The following ZNF92 variants were observed in gnomAD, a reference collection of about 807,000 sequenced individuals.
ZNF92 encodes the protein epididymis luminal protein 203.
In ZNF92, 11 loss-of-function variants were observed where a neutral mutation model predicts 12.4. That is an observed-to-expected ratio of 0.89 (90% CI 0.56 to 1.47). ZNF92 has a LOEUF of 1.47. Among genes scored for constraint, ZNF92 ranks in the 40% most tolerant of loss-of-function variants. ZNF92 has a pLI of 0.00. For synonymous variants in ZNF92, 206 were observed against 228.6 expected (o/e 0.90, Z 0.89); for missense variants, 622 against 681.0 (o/e 0.91, Z 0.96).
At position 65,373,982 on chromosome 7, in the gene ZNF92, C is replaced by T. The variant is rs988933188; in HGVS notation, c.-16C>T. ...GGTTCACAGCTAAGACGCCAGGACC[C>T]CCTGGAAGCCTAGAAATGGTGAGCC... On this transcript the variant is annotated 5_prime_UTR_variant, in exon 1 of 4. Coordinates refer to ENST00000328747, the MANE Select transcript of ZNF92 (RefSeq NM_152626.4). 4 of 1,613,992 alleles carry T rather than the reference C, an allele frequency of 2.5e-6. No individual in the cohort carries two copies. The highest frequency in any genetic ancestry group is 3.4e-6 in the Non-Finnish European group (4 of 1,180,002).
At chr7:65,390,013 A>G (rs1487091091) in intron 3 of ZNF92, among the ~76,000 whole-genome samples, 1 of 151,950 alleles carries the variant, frequency 6.6e-6, no homozygotes, top group Admixed American at 6.6e-5. Flanking sequence ...TTGTATTTTT[A>G]GTAGAGATGG....
intron 1 of ZNF92, among the ~76,000 whole-genome samples, chr7:65,377,552 TA>T (rs1331114524): frequency 6.6e-6 from 1 of 152,144 alleles, no homozygotes; most frequent in Non-Finnish European, 1.5e-5. Flanking sequence ...TTTGTTTATT[TA>T]TTTTTTTTGA....
rs779265162 is a variant in ZNF92, at chr7:65,398,660, T to C, written c.546T>C (p.Phe182=). 2 of 1,612,244 alleles carry C rather than the reference T, an allele frequency of 1.2e-6. No individual in the cohort carries two copies. The highest frequency in any genetic ancestry group is 1.1e-5 in the South Asian group (1 of 90,664). The part of the protein sequence containing the change: ...PFKCKNRGKS[F]CMLSQLTQHK... ...AATGTAAAAACCGTGGCAAATCATT[T>C]TGCATGCTTTCACAATTAACTCAAC... Residue 182 remains phenylalanine, a synonymous_variant, in exon 4 of 4, where the codon TTT becomes TTC. Transcript: ENST00000328747.
At position 65,385,237 on chromosome 7, in the gene ZNF92, C is replaced by G. The variant is rs986508450; in HGVS notation, c.4-2665C>G. On this transcript the variant is annotated intron_variant, in intron 1 of 3. Coordinates refer to ENST00000328747, the MANE Select transcript of ZNF92 (RefSeq NM_152626.4). ...TTACATAGAGTGGGGCCAAAATCACCAAGTGATTTATAAGCTTATCAGTGC... is the reference window on the plus strand; with the variant it reads ...TTACATAGAGTGGGGCCAAAATCACGAAGTGATTTATAAGCTTATCAGTGC... 7.2e-5 allele frequency among the ~76,000 whole-genome samples: 11 copies of G among 152,062 alleles called. 1 individual carries two copies. Among genetic ancestry groups the G allele is most frequent in the Non-Finnish European group, 8.8e-5 (6 of 68,008 alleles).
At chr7:65,385,023 A>G in intron 1 of ZNF92, among the ~76,000 whole-genome samples, 1 of 152,126 alleles carries the variant, frequency 6.6e-6, no homozygotes, top group East Asian at 1.9e-4. Context: ...TAGGATGAAG[A>G]TTGGTTGTCT....
intron 3 of ZNF92, among the ~76,000 whole-genome samples, chr7:65,392,226 GGTT>G (rs1793735740): frequency 6.6e-6 from 1 of 151,852 alleles, no homozygotes; most frequent in African/African-American, 2.4e-5. Context: ...GATTTTCAAT[GGTT>G]GTTTTGTCTA....
At chr7:65,397,430 TC>T (rs1472942332) in intron 3 of ZNF92, among the ~76,000 whole-genome samples, 1 of 152,016 alleles carries the variant, frequency 6.6e-6, no homozygotes, top group Non-Finnish European at 1.5e-5. Flanking sequence ...TTTTCAGAAA[TC>T]GTCTGTGTTT....
At chr7:65,388,596 C>G (rs1007442296) in intron 2 of ZNF92, among the ~76,000 whole-genome samples, 1 of 151,638 alleles carries the variant, frequency 6.6e-6, no homozygotes, top group African/African-American at 2.4e-5. Context: ...TGAGATCGTG[C>G]CATTGCACTC....
rs770552293 is a variant in ZNF92 at position 65,399,764 on chromosome 7, A to C, written c.1650A>C (p.Ser550=). ...EECDKAFNKF[S]TLITHQIIYT... is the part of the protein sequence containing the mutation. ...GTGACAAAGCCTTTAACAAGTTCTC[A>C]ACCCTTATTACACATCAGATAATTT... Residue 550 remains serine, a synonymous_variant, in exon 4 of 4, where the codon TCA becomes TCC. Transcript: ENST00000328747. 2.7e-5 allele frequency: 44 copies of C among 1,613,590 alleles called. No homozygotes were observed. The highest frequency in any genetic ancestry group is 3.7e-5 in the Non-Finnish European group (44 of 1,179,708).
intron 1 of ZNF92, among the ~76,000 whole-genome samples, chr7:65,375,310 C>T (rs760705188): frequency 5.9e-5 from 9 of 151,994 alleles, no homozygotes; most frequent in South Asian, 2.1e-4. Flanking sequence ...ATGGCAATGT[C>T]GCTAGAGTGT....
chr7:65,380,387 C>G (rs143730130), intron 1 of ZNF92, among the ~76,000 whole-genome samples: 24 of 152,182 alleles, frequency 1.6e-4, no homozygotes, highest in African/African-American at 5.8e-4. Flanking sequence ...CTACCTAAGC[C>G]CCCCAAGTAG....
chr7:65,376,920 A>G (rs1793258644), intron 1 of ZNF92, among the ~76,000 whole-genome samples: 1 of 152,138 alleles, frequency 6.6e-6, no homozygotes, highest in Non-Finnish European at 1.5e-5. Context: ...TTCACTTTGC[A>G]GAGTAAATTT....
At chr7:65,394,153 T>C (rs192474379) in intron 3 of ZNF92, among the ~76,000 whole-genome samples, 3 of 152,204 alleles carry the variant, frequency 2.0e-5, no homozygotes, top group Admixed American at 2.0e-4. Flanking sequence ...CCAAGACCAA[T>C]GTAATGTCTT....
Position 65,399,814 on chromosome 7 carries a change from A to G in ZNF92, c.1700A>G (p.His567Arg), listed in dbSNP as rs754738966. The G allele has an allele frequency of 3.1e-6, 5 of 1,611,196 alleles. No homozygotes were observed. The highest frequency in any genetic ancestry group is 3.4e-5 in the Admixed American group (2 of 59,504). Residue 567 changes from histidine to arginine, a missense_variant, in exon 4 of 4, where the codon CAT (histidine) becomes CGT (arginine). By Grantham distance (29) the His-to-Arg change is conservative. Transcript: ENST00000328747. ...TATACTGGAGAGAAACCCTGCAAAC[A>G]TGAATGTGGCAGAGCCTTTAACAAA... ...IIYTGEKPCK[H>R]ECGRAFNKSS...
rs1793618877 is a variant in ZNF92 at position 65,388,012 on chromosome 7, A to G, written c.114A>G (p.Arg38=). The change falls in exon 2 of 4, where the codon AGA becomes AGG. Residue 38 remains arginine (R), a synonymous_variant. Transcript: ENST00000328747. The part of the protein sequence containing the change: ...LYRDVMLENY[R]NLVFLGIAVS... ...GAGATGTGATGTTAGAGAACTACAGAAACCTGGTCTTCCTTGGTGAGGATA... is the reference window on the plus strand; with the variant it reads ...GAGATGTGATGTTAGAGAACTACAGGAACCTGGTCTTCCTTGGTGAGGATA... 1.9e-6 allele frequency: 3 copies of G among 1,606,786 alleles called. No homozygotes were observed. Among genetic ancestry groups the G allele is most frequent in the Non-Finnish European group, 2.5e-6 (3 of 1,176,614 alleles).
intron 3 of ZNF92, among the ~76,000 whole-genome samples, chr7:65,392,029 G>A (rs1448056143): frequency 1.3e-5 from 2 of 151,926 alleles, no homozygotes; most frequent in Non-Finnish European, 2.9e-5. Flanking sequence ...ATCAGTTTTT[G>A]TTTCTTGTTT....
intron 3 of ZNF92, among the ~76,000 whole-genome samples, chr7:65,396,859 C>G (rs984618297): frequency 3.3e-5 from 5 of 151,988 alleles, no homozygotes; most frequent in African/African-American, 1.2e-4. Context: ...TAATAAACAC[C>G]CTTACCTTTT....
In ZNF92 at chr7:65,398,355, T is replaced by C; in HGVS notation, c.241T>C (p.Phe81Leu). ...ATTTTTTTCAGTTATGTGTTCTCAT[T>C]TTGCCCAAGATGTTTGGCCAGAGCA... Reference protein sequence around the residue: ...VDKTPVMCSHFAQDVWPEHSI... With the variant: ...VDKTPVMCSHLAQDVWPEHSI... Residue 81 changes from phenylalanine (F) to leucine (L), a missense_variant, in exon 4 of 4, where the codon TTT becomes CTT. Coordinates refer to ENST00000328747, the MANE Select transcript of ZNF92 (RefSeq NM_152626.4). 1 of 1,553,650 alleles carries C rather than the reference T, an allele frequency of 6.4e-7. No individual in the cohort carries two copies. Among genetic ancestry groups the C allele is most frequent in the African/African-American group, 1.4e-5 (1 of 72,388 alleles).
Position 65,399,155 on chromosome 7 carries a change from C to T in ZNF92, c.1041C>T (p.Gly347=). Residue 347 remains glycine (G), a synonymous_variant, in exon 4 of 4, where the codon GGC becomes GGT. Transcript: ENST00000328747. ...AACCATACAAATGTGAAGAATGTGG[C>T]AAAGCCTTTAACCAGTTCTCAAACC... ...GEKPYKCEEC[G]KAFNQFSNLT... The T allele has an allele frequency of 2.5e-6, 4 of 1,613,216 alleles. No homozygotes were observed. The highest frequency in any genetic ancestry group is 2.2e-5 in the East Asian group (1 of 44,802).
Sources: gnomAD v4.1 joint callset for allele counts (sites outside exome capture counted in the v4.1 genomes callset) on GRCh38, gnomAD v4.1.1 for gene constraint, MANE v1.5 for transcripts, NCBI Gene and HGNC (gene_info 2026-07-23, HGNC 2026-07-21) for gene names.